The following CALD1 variants were observed in gnomAD, a reference collection of about 807,000 sequenced individuals.
The protein encoded by CALD1 is caldesmon.
In CALD1, 33 loss-of-function variants were observed where a neutral mutation model predicts 99.9. The observed-to-expected ratio is 0.33, with a 90% confidence interval of 0.25 to 0.44. The LOEUF (loss-of-function observed/expected upper bound fraction) is 0.44. Among genes scored for constraint, CALD1 ranks in the 20% least tolerant of loss-of-function variants. The pLI, the probability that CALD1 is intolerant of heterozygous loss-of-function variation, is 1.00. For synonymous variants in CALD1, 310 were observed against 325.0 expected (o/e 0.95, Z 0.50); for missense variants, 861 against 962.1 (o/e 0.89, Z 1.39).
the CALD1 span, among the ~76,000 whole-genome samples, chr7:134,731,089 A>G: frequency 6.6e-6 from 1 of 151,864 alleles, no homozygotes; most frequent in Non-Finnish European, 1.5e-5. Context: ...TAGCCTCCCA[A>G]CATCCAGCTG....
At position 134,757,449 on chromosome 7, in the gene CALD1, T is replaced by C. The variant is rs559591006; in HGVS notation, c.-130+13086T>C. On this transcript the variant is annotated intron_variant, in intron 1 of 13. Coordinates refer to the CALD1 transcript ENST00000417172. ...TTGATGCTTACAATTTGCAGGTCTGTGTTCCTTGAAGACCTCATTCCACAG... is the reference window on the plus strand; with the variant it reads ...TTGATGCTTACAATTTGCAGGTCTGCGTTCCTTGAAGACCTCATTCCACAG... Among the ~76,000 whole-genome samples the C allele has an allele frequency of 2.0e-4, 30 of 152,324 alleles. 1 individual carries two copies. In the South Asian group the frequency reaches 6.0e-3, roughly 31 times the overall value.
chr7:134,712,824 C>T, the CALD1 span, among the ~76,000 whole-genome samples: 1 of 152,152 alleles, frequency 6.6e-6, no homozygotes, highest in Non-Finnish European at 1.5e-5. Flanking sequence ...TCAGGCGTGC[C>T]TTCGAGTGGG....
intron 3 of CALD1, among the ~76,000 whole-genome samples, chr7:134,876,693 A>G (rs115055960): frequency 6.6e-6 from 1 of 152,336 alleles, no homozygotes; most frequent in African/African-American, 2.4e-5. Flanking sequence ...TATTTGGTAT[A>G]TGTTGTGTTA....
the CALD1 span, among the ~76,000 whole-genome samples, chr7:134,729,817 A>G: frequency 2.0e-5 from 3 of 152,210 alleles, no homozygotes; most frequent in Non-Finnish European, 2.9e-5. Context: ...CTTGCTGCCT[A>G]TTGAAAGCAA....
intron 1 of CALD1, among the ~76,000 whole-genome samples, chr7:134,752,727 G>A (rs1178520258): frequency 2.6e-5 from 4 of 152,118 alleles, no homozygotes; most frequent in Admixed American, 2.6e-4. Context: ...CAGGCTGGGC[G>A]CAGTGGCTCA....
At chr7:134,765,243 G>C (rs897047880) in intron 1 of CALD1, among the ~76,000 whole-genome samples, 1 of 151,882 alleles carries the variant, frequency 6.6e-6, no homozygotes, top group Non-Finnish European at 1.5e-5. Flanking sequence ...TAAGCCCGGG[G>C]GCAGAGGTTG....
upstream of CALD1, among the ~76,000 whole-genome samples, chr7:134,739,912 C>A (rs1796579298): frequency 8.5e-6 from 1 of 117,164 alleles, no homozygotes; most frequent in Non-Finnish European, 1.9e-5. Flanking sequence ...TCTTAAGTCA[C>A]CTATTAAATG....
chr7:134,801,805 G>T (rs1797954491), intron 1 of CALD1, among the ~76,000 whole-genome samples: 1 of 151,994 alleles, frequency 6.6e-6, no homozygotes, highest in Non-Finnish European at 1.5e-5. Context: ...TTTTTTAAAA[G>T]ATGCTATTTT....
At chr7:134,877,600 T>G (rs2132401301) in intron 3 of CALD1, among the ~76,000 whole-genome samples, 1 of 152,342 alleles carries the variant, frequency 6.6e-6, no homozygotes, top group African/African-American at 2.4e-5. Context: ...GTTGCATCTG[T>G]GCTAAACATG....
chr7:134,875,293 C>T (rs61655451), intron 3 of CALD1, among the ~76,000 whole-genome samples: 4 of 152,322 alleles, frequency 2.6e-5, no homozygotes, highest in Admixed American at 1.3e-4. Context: ...CCACCTGGGC[C>T]TCCCAAAGTT....
chr7:134,913,116 A>G (rs1803938890), intron 3 of CALD1, among the ~76,000 whole-genome samples: 1 of 152,114 alleles, frequency 6.6e-6, no homozygotes, highest in South Asian at 2.1e-4. Context: ...AAAATACAAA[A>G]TTAGCTGGGT....
At chr7:134,716,150 G>A in the CALD1 span, among the ~76,000 whole-genome samples, 4 of 152,022 alleles carry the variant, frequency 2.6e-5, no homozygotes, top group African/African-American at 4.8e-5. Context: ...CCTAGAAAAC[G>A]GAATATGAAC....
the CALD1 span, among the ~76,000 whole-genome samples, chr7:134,726,168 C>T: frequency 1.3e-5 from 2 of 151,536 alleles, no homozygotes; most frequent in South Asian, 4.1e-4. Context: ...GCTAACATCC[C>T]ACCAAAAATT....
chr7:134,958,762 A>G (rs988338744), intron 11 of CALD1, among the ~76,000 whole-genome samples: 23 of 151,900 alleles, frequency 1.5e-4, no homozygotes, highest in African/African-American at 4.8e-4. Flanking sequence ...AAGAAATACA[A>G]TAATAAAGAT....
At chr7:134,934,422 A>G (rs1291804060) in intron 5 of CALD1, among the ~76,000 whole-genome samples, 5 of 152,206 alleles carry the variant, frequency 3.3e-5, no homozygotes, top group Admixed American at 3.3e-4. Context: ...CTGTGCTTGC[A>G]TCTAAACTCG....
rs75435569 is a variant in CALD1 at position 134,814,535 on chromosome 7, G to A, written c.-129-29349G>A. ...TCCTTCCAAGAACACACAGAATTCT[G>A]GGGCTCCCTTTCCCTTTCTACTGAG... On this transcript the variant is annotated intron_variant, in intron 1 of 14. Coordinates refer to ENST00000361675, the MANE Select transcript of CALD1 (RefSeq NM_033138.4). 8.4e-3 allele frequency among the ~76,000 whole-genome samples: 1,286 copies of A among 152,250 alleles called. 20 individuals carry two copies. The highest frequency in any genetic ancestry group is 0.029 in the African/African-American group (1,193 of 41,554).
At chr7:134,914,142 G>C (rs1804032523) in intron 3 of CALD1, among the ~76,000 whole-genome samples, 1 of 152,200 alleles carries the variant, frequency 6.6e-6, no homozygotes, top group Non-Finnish European at 1.5e-5. Flanking sequence ...GTGGATTTCA[G>C]CTGGGCTCTG....
At chr7:134,767,195 C>CTGTGTGTGTGTG (rs34026828) in intron 1 of CALD1, among the ~76,000 whole-genome samples, 17 of 148,886 alleles carry the variant, frequency 1.1e-4, no homozygotes, top group African/African-American at 4.2e-4. Context: ...CTCTCTGTCT[C>CTGTGTGTGTGTG]TGTGTGTGTG....
At chr7:134,913,387 A>C (rs1803965211) in intron 3 of CALD1, among the ~76,000 whole-genome samples, 1 of 152,232 alleles carries the variant, frequency 6.6e-6, no homozygotes, top group Admixed American at 6.5e-5. Flanking sequence ...ATGTTTCAAA[A>C]ATAATTAAAG....
Sources: allele counts gnomAD v4.1 joint callset (sites outside exome capture counted in the v4.1 genomes callset), GRCh38; gene constraint gnomAD v4.1.1; transcripts MANE v1.5; gene names NCBI Gene and HGNC (gene_info 2026-07-23, HGNC 2026-07-21).